Variants in GPLD1 observed in about 807,000 individuals in gnomAD.
GPLD1 encodes glycosylphosphatidylinositol specific phospholipase D1.
A neutral mutation model predicts 112.6 loss-of-function variants in GPLD1; 84 were observed. The ratio of observed to expected loss-of-function variants is 0.75; its 90% CI spans 0.63 to 0.89. GPLD1 has a LOEUF of 0.89. Among genes scored for constraint, GPLD1 ranks in the 40% least tolerant of loss-of-function variants. The probability of loss-of-function intolerance (pLI) is 0.00; values close to 1 mark genes in which losing one functional copy is unlikely to be tolerated. For missense variants in GPLD1, 1,044 were observed against 1,051.5 expected, an observed-to-expected ratio of 0.99 and a Z score of 0.10; for synonymous variants, 386 against 403.8, an observed-to-expected ratio of 0.96 and a Z score of 0.53.
intron 10 of GPLD1, among the ~76,000 whole-genome samples, chr6:24,465,055 G>A (rs1327776517): frequency 6.6e-6 from 1 of 151,872 alleles, no homozygotes; most frequent in Non-Finnish European, 1.5e-5. Context: ...AAATTAGCCA[G>A]GTGTAGTGGT....
At chr6:24,432,572 G>A (rs1368743954) in intron 24 of GPLD1, among the ~76,000 whole-genome samples, 2 of 152,182 alleles carry the variant, frequency 1.3e-5, no homozygotes, top group African/African-American at 4.8e-5. Context: ...CTGCACTCCA[G>A]CATGGGCGAC....
chr6:24,473,570 TA>T, intron 6 of GPLD1, 48 bp downstream of exon 6: 1 of 1,152,674 alleles, frequency 8.7e-7, no homozygotes, highest in Non-Finnish European at 1.3e-6. Context: ...GATGTCATTA[TA>T]AGTGAACTAT....
intron 2 of GPLD1, among the ~76,000 whole-genome samples, chr6:24,484,499 AGCCATCACGCCTG>A (rs1193842602): frequency 6.6e-6 from 1 of 152,212 alleles, no homozygotes; most frequent in Non-Finnish European, 1.5e-5. Context: ...CACAGGCATG[AGCCATCACGCCTG>A]GCCTATTTCT....
chr6:24,428,762 T>C lies in GPLD1; in HGVS notation c.*270A>G. ...AGTTGGGAAAGAAGAAAGGTTTAGA[T>C]GCAAAGGGAGCGAGGAAGTAAACTG... On this transcript the variant is annotated 3_prime_UTR_variant, in exon 25 of 25. Coordinates refer to ENST00000230036, the MANE Select transcript of GPLD1 (RefSeq NM_001503.4). The C allele has an allele frequency of 3.1e-6, 1 of 327,180 alleles. No homozygotes were observed. Among genetic ancestry groups the C allele is most frequent in the Non-Finnish European group, 5.6e-6 (1 of 179,940 alleles). 20.3% of individuals were successfully genotyped at this position (327,180 alleles called of 1,614,324 possible).
At chr6:24,430,251 C>G (rs1180638928) in intron 24 of GPLD1, among the ~76,000 whole-genome samples, 1 of 152,220 alleles carries the variant, frequency 6.6e-6, no homozygotes, top group South Asian at 2.1e-4. Flanking sequence ...CGGCTTCACT[C>G]TGTTTTGTCA....
intron 2 of GPLD1, among the ~76,000 whole-genome samples, chr6:24,481,886 T>G (rs1764214197): frequency 6.6e-6 from 1 of 152,202 alleles, no homozygotes; most frequent in Admixed American, 6.5e-5. Context: ...TTAACTTTAC[T>G]GGCTATTTAC....
chr6:24,481,956 C>T (rs1184864493), intron 2 of GPLD1, among the ~76,000 whole-genome samples: 1 of 152,022 alleles, frequency 6.6e-6, no homozygotes, highest in African/African-American at 2.4e-5. Flanking sequence ...TCTGCATCTC[C>T]CAGTGAGGTA....
intron 6 of GPLD1, 93 bp from the exon 7 acceptor site, chr6:24,472,729 G>T: frequency 1.4e-6 from 1 of 728,908 alleles, no homozygotes; most frequent in Non-Finnish European, 2.5e-6. Flanking sequence ...TGGATTATTA[G>T]TTTTTCACAT....
At chr6:24,462,495 T>C (rs1763469029) in intron 11 of GPLD1, among the ~76,000 whole-genome samples, 1 of 152,174 alleles carries the variant, frequency 6.6e-6, no homozygotes, top group African/African-American at 2.4e-5. Context: ...CACCACTGCA[T>C]GTCATCCACA....
chr6:24,459,391 C>G (rs1052724905), intron 12 of GPLD1, among the ~76,000 whole-genome samples: 1 of 152,164 alleles, frequency 6.6e-6, no homozygotes, highest in African/African-American at 2.4e-5. Flanking sequence ...ATAGCTGGGA[C>G]TACAAGTGCA....
chr6:24,459,803 G>A (rs780493283), intron 12 of GPLD1, among the ~76,000 whole-genome samples: 6 of 152,206 alleles, frequency 3.9e-5, no homozygotes, highest in Non-Finnish European at 8.8e-5. Context: ...TTGGGACTAA[G>A]TCCAAAGAAG....
chr6:24,476,878 C>T (rs967593841), intron 3 of GPLD1, among the ~76,000 whole-genome samples: 1 of 152,088 alleles, frequency 6.6e-6, no homozygotes, highest in East Asian at 1.9e-4. Flanking sequence ...CTGTGCTAAA[C>T]CTCCAAGAGC....
In GPLD1 at chr6:24,458,762, C is replaced by G. The variant is rs139254583; in HGVS notation, c.1008+1517G>C. Among the ~76,000 whole-genome samples the G allele has an allele frequency of 6.8e-3, 1,039 of 152,102 alleles. 16 individuals carry two copies. Among genetic ancestry groups the G allele is most frequent in the African/African-American group, 0.023 (935 of 41,510 alleles). ...GGCATGGTGGCGGGTGCCTGTAATC[C>G]CAGCTACTCAGGAGGCTGAGGCAGG... On this transcript the variant is annotated intron_variant, in intron 12 of 24. Coordinates refer to ENST00000230036, the MANE Select transcript of GPLD1 (RefSeq NM_001503.4).
intron 24 of GPLD1, among the ~76,000 whole-genome samples, chr6:24,429,335 A>G (rs1325568256): frequency 1.3e-5 from 2 of 152,144 alleles, no homozygotes; most frequent in Non-Finnish European, 1.5e-5. Flanking sequence ...GCTCACCCCA[A>G]TCCCTATTCT....
At chr6:24,434,264 G>A (rs1034540646) in intron 22 of GPLD1, among the ~76,000 whole-genome samples, 10 of 151,876 alleles carry the variant, frequency 6.6e-5, no homozygotes, top group African/African-American at 2.4e-4. Flanking sequence ...CAGGCACGGT[G>A]GTGTGCGCCT....
chr6:24,486,004 T>G, intron 2 of GPLD1, 71 bp downstream of exon 2: 1 of 906,564 alleles, frequency 1.1e-6, no homozygotes, highest in Non-Finnish European at 1.8e-6. Flanking sequence ...AAATATCTGT[T>G]AGGATCTTTG....
At chr6:24,449,207 G>A (rs1240893188) in intron 15 of GPLD1, among the ~76,000 whole-genome samples, 2 of 152,112 alleles carry the variant, frequency 1.3e-5, no homozygotes, top group African/African-American at 4.8e-5. Flanking sequence ...CTGCTGGCAT[G>A]TCTAGAAATG....
rs756302094 is a variant in GPLD1 at position 24,489,469 on chromosome 6, C to G, written c.43G>C (p.Gly15Arg). 4 of 1,614,016 alleles carry G rather than the reference C, an allele frequency of 2.5e-6. No homozygotes were observed. Among genetic ancestry groups the G allele is most frequent in the Non-Finnish European group, 3.4e-6 (4 of 1,179,930 alleles). The stretch of plus-strand genomic sequence containing the variant: ...GGTGAACCTCTATGGCAGAGAGAAC[C>G]CAACATGATCAGCAGGCCAGGCCAC... ...RLWPGLLIML[G>R]SLCHRGSPCG... The change falls in exon 1 of 25, where the codon GGT (glycine) becomes CGT (arginine). Residue 15 changes from glycine (G) to arginine (R), a missense_variant. By Grantham distance (125) the Gly-to-Arg change is moderately radical. Transcript: ENST00000230036.
chr6:24,424,228 TA>T (rs1488568859), downstream of GPLD1: 1 of 151,418 alleles, frequency 6.6e-6, no homozygotes. Flanking sequence ...CCCTTTTTTT[TA>T]TAAAAGGTGA....
Sources: gnomAD v4.1 joint callset for allele counts (sites outside exome capture counted in the v4.1 genomes callset) on GRCh38, gnomAD v4.1.1 for gene constraint, MANE v1.5 for transcripts, NCBI Gene and HGNC (gene_info 2026-07-23, HGNC 2026-07-21) for gene names.